KHDRBS2: variants seen among roughly 807,000 people sequenced by gnomAD.
KHDRBS2 encodes KH RNA binding domain containing, signal transduction associated 2, also known as KH domain-containing, RNA-binding, signal transduction-associated protein 2.
Under a neutral mutation model 44.3 loss-of-function variants are expected in KHDRBS2, and 26 were observed. That is an observed-to-expected ratio of 0.59 (90% confidence interval 0.43 to 0.81). The LOEUF (loss-of-function observed/expected upper bound fraction) is 0.81. Among genes scored for constraint, KHDRBS2 ranks in the 40% least tolerant of loss-of-function variants. The pLI, the probability that KHDRBS2 is intolerant of heterozygous loss-of-function variation, is 0.00. For missense variants in KHDRBS2, 476 were observed against 433.1 expected (o/e 1.10, Z -0.88); for synonymous variants, 194 against 151.1 (o/e 1.28, Z -2.08).
chr6:62,122,452 C>T (rs763369613), intron 2 of KHDRBS2, among the ~76,000 whole-genome samples: 1 of 152,148 alleles, frequency 6.6e-6, no homozygotes, highest in Admixed American at 6.5e-5. Flanking sequence ...GCTTGTGCAG[C>T]AGCATTCCAT....
intron 2 of KHDRBS2, among the ~76,000 whole-genome samples, chr6:62,103,527 G>A (rs569665056): frequency 8.6e-5 from 13 of 152,028 alleles, no homozygotes; most frequent in East Asian, 1.9e-4. Flanking sequence ...CTTAGCCTGC[G>A]AAAGCAGGGA....
the KHDRBS2 span, among the ~76,000 whole-genome samples, chr6:61,577,839 A>C: frequency 3.2e-4 from 49 of 152,324 alleles, no homozygotes; most frequent in South Asian, 9.9e-3. Flanking sequence ...AACATGTCGA[A>C]CATGAGAGCT....
At chr6:61,846,926 T>C (rs1334343628) in intron 6 of KHDRBS2, among the ~76,000 whole-genome samples, 2 of 152,128 alleles carry the variant, frequency 1.3e-5, no homozygotes, top group Non-Finnish European at 2.9e-5. Flanking sequence ...TATTTTGTTC[T>C]AGTAATATGA....
intron 6 of KHDRBS2, among the ~76,000 whole-genome samples, chr6:61,844,089 C>T (rs1158151183): frequency 6.6e-6 from 1 of 152,090 alleles, no homozygotes; most frequent in Non-Finnish European, 1.5e-5. Flanking sequence ...GTTGTTTCTA[C>T]TTTCTAATTC....
At chr6:62,010,332 GTAAC>G (rs1419043026) in intron 3 of KHDRBS2, among the ~76,000 whole-genome samples, 3 of 152,128 alleles carry the variant, frequency 2.0e-5, no homozygotes, top group Non-Finnish European at 4.4e-5. Flanking sequence ...TATCTATTAA[GTAAC>G]TAACTTGCTT....
chr6:61,957,911 C>T (rs563971512), intron 4 of KHDRBS2, among the ~76,000 whole-genome samples: 62 of 151,772 alleles, frequency 4.1e-4, no homozygotes, highest in African/African-American at 1.4e-3. Context: ...TCCCCGGACA[C>T]CCAGCTTTAA....
intron 6 of KHDRBS2, among the ~76,000 whole-genome samples, chr6:61,737,215 T>C (rs1233999729): frequency 6.6e-6 from 1 of 152,074 alleles, no homozygotes; most frequent in African/African-American, 2.4e-5. Flanking sequence ...CTTACTCTTT[T>C]ACTTCTTTAA....
At chr6:61,597,523 C>T in the KHDRBS2 span, among the ~76,000 whole-genome samples, 4 of 151,454 alleles carry the variant, frequency 2.6e-5, no homozygotes, top group East Asian at 5.9e-4. Context: ...CTAGAACTCT[C>T]ATATTTGTTC....
chr6:62,003,502 C>T (rs568689835), intron 3 of KHDRBS2, among the ~76,000 whole-genome samples: 4 of 152,076 alleles, frequency 2.6e-5, no homozygotes, highest in Admixed American at 1.3e-4. Flanking sequence ...TATAGGAGCA[C>T]CCAGATTCAT....
the KHDRBS2 span, among the ~76,000 whole-genome samples, chr6:61,558,034 T>C: frequency 2.6e-5 from 4 of 152,170 alleles, no homozygotes; most frequent in African/African-American, 9.6e-5. Context: ...TTTCTTAGTC[T>C]GGCTAAAGAG....
At chr6:61,590,814 C>A in the KHDRBS2 span, among the ~76,000 whole-genome samples, 2 of 152,126 alleles carry the variant, frequency 1.3e-5, no homozygotes, top group Non-Finnish European at 2.9e-5. Context: ...AAAGTCCAGA[C>A]TTTTGATGAT....
the KHDRBS2 span, among the ~76,000 whole-genome samples, chr6:61,627,606 C>A: frequency 1.3e-5 from 2 of 152,114 alleles, no homozygotes; most frequent in African/African-American, 4.8e-5. Flanking sequence ...ATCAGTCATG[C>A]CTATATAATG....
At chr6:62,103,413 C>A (rs1174619056) in intron 2 of KHDRBS2, among the ~76,000 whole-genome samples, 1 of 152,258 alleles carries the variant, frequency 6.6e-6, no homozygotes, top group Non-Finnish European at 1.5e-5. Context: ...CCCCAGCATG[C>A]ACACTGGCTG....
the KHDRBS2 span, among the ~76,000 whole-genome samples, chr6:61,632,057 T>G: frequency 2.2e-3 from 336 of 152,324 alleles, no homozygotes; most frequent in Admixed American, 4.1e-3. Context: ...AGTGTCCACT[T>G]ACATGCCCTT....
At position 61,790,091 on chromosome 6, in the gene KHDRBS2, T is replaced by A. The variant is rs1784403096; in HGVS notation, c.811-57327A>T. ...CCTGTAAAATCAAAGACATTTTATA[T>A]CCAGAGCAAGATTATGGATTGTACT... On this transcript the variant is annotated intron_variant, in intron 6 of 8. Transcript: ENST00000281156. 3.3e-5 allele frequency among the ~76,000 whole-genome samples: 5 copies of A among 151,458 alleles called. No individual in the cohort carries two copies. In the South Asian group the frequency reaches 1.0e-3, roughly 31 times the overall value.
At chr6:62,144,255 CCAA>C (rs1431467800) in intron 2 of KHDRBS2, among the ~76,000 whole-genome samples, 1 of 151,814 alleles carries the variant, frequency 6.6e-6, no homozygotes, top group African/African-American at 2.4e-5. Flanking sequence ...TTTAGAAACC[CCAA>C]CTACTTACTT....
chr6:61,997,733 G>T (rs1438937905), intron 3 of KHDRBS2, among the ~76,000 whole-genome samples: 3 of 152,092 alleles, frequency 2.0e-5, no homozygotes, highest in Non-Finnish European at 4.4e-5. Flanking sequence ...ACTGACTCTG[G>T]AGAATGTTCT....
chr6:61,965,752 G>C lies in KHDRBS2; in HGVS notation c.483+12314C>G, dbSNP rs569109613. ...AAAGTTGTCCTACTTTAGAGGATAA[G>C]TTAAGGCATTTTCTTGCAGAGGAGA... is the stretch of plus-strand genomic sequence containing the variant. On this transcript the variant is annotated intron_variant, in intron 4 of 8. Transcript: ENST00000281156. Among the ~76,000 whole-genome samples the C allele has an allele frequency of 2.6e-5, 4 of 152,070 alleles. No homozygotes were observed. In the East Asian group the frequency reaches 7.7e-4, roughly 29 times the overall value.
At chr6:61,681,562 G>A (rs1766306745) in intron 8 of KHDRBS2, among the ~76,000 whole-genome samples, 1 of 151,856 alleles carries the variant, frequency 6.6e-6, no homozygotes, top group Non-Finnish European at 1.5e-5. Context: ...GATCCATTGT[G>A]TTAAATTGTA....
Sources: gnomAD v4.1 joint callset for allele counts (sites outside exome capture counted in the v4.1 genomes callset) on GRCh38, gnomAD v4.1.1 for gene constraint, MANE v1.5 for transcripts, NCBI Gene and HGNC (gene_info 2026-07-23, HGNC 2026-07-21) for gene names.